The following SRPK2 variants were observed in gnomAD, a reference collection of about 807,000 sequenced individuals.
The protein encoded by SRPK2 is SFRS protein kinase 2.
A neutral mutation model predicts 90.8 loss-of-function variants in SRPK2; 21 were observed. The ratio of observed to expected loss-of-function variants is 0.23; its 90% confidence interval spans 0.16 to 0.33. The LOEUF is 0.33. Ranked by LOEUF, SRPK2 falls within the 10% of genes least tolerant of loss-of-function variation. SRPK2 has a pLI of 1.00. For synonymous variants in SRPK2, 288 were observed against 311.1 expected, an observed-to-expected ratio of 0.93 and a Z score of 0.78; for missense variants, 620 against 869.0, an observed-to-expected ratio of 0.71 and a Z score of 3.60.
At chr7:105,248,034 A>G (rs1237603698) in intron 2 of SRPK2, among the ~76,000 whole-genome samples, 2 of 152,056 alleles carry the variant, frequency 1.3e-5, no homozygotes, top group Non-Finnish European at 2.9e-5. Flanking sequence ...CTGTATTTTT[A>G]GTAGAGAGGG....
At chr7:105,370,912 G>A (rs1029422579) in intron 2 of SRPK2, among the ~76,000 whole-genome samples, 7 of 151,978 alleles carry the variant, frequency 4.6e-5, no homozygotes, top group South Asian at 2.1e-4. Flanking sequence ...TACTGCGCCC[G>A]GCCGGATTAT....
At chr7:105,266,479 G>A (rs1293636857) in intron 2 of SRPK2, among the ~76,000 whole-genome samples, 1 of 152,092 alleles carries the variant, frequency 6.6e-6, no homozygotes, top group South Asian at 2.1e-4. Context: ...ATCAGTTGTG[G>A]TGAATGATAA....
At chr7:105,182,231 CAAAAAAAAAA>C (rs368137906) in intron 3 of SRPK2, among the ~76,000 whole-genome samples, 2 of 65,852 alleles carry the variant, frequency 3.0e-5, no homozygotes, top group South Asian at 5.7e-4. Context: ...GACTCTGTCT[CAAAAAAAAAA>C]AAAAAAAAAA....
At chr7:105,289,814 G>C (rs1485483731) in intron 2 of SRPK2, among the ~76,000 whole-genome samples, 1 of 152,148 alleles carries the variant, frequency 6.6e-6, no homozygotes, top group East Asian at 1.9e-4. Flanking sequence ...CTCAGCCTCT[G>C]ACATGCCTTC....
chr7:105,146,346 C>T, intron 8 of SRPK2, 147 bp downstream of exon 8: 1 of 704,764 alleles, frequency 1.4e-6, no homozygotes, highest in Non-Finnish European at 2.3e-6. Flanking sequence ...GGGCATTTTC[C>T]ATTTCAAGGG....
chr7:105,282,676 C>T (rs1352584615), intron 2 of SRPK2, among the ~76,000 whole-genome samples: 1 of 152,116 alleles, frequency 6.6e-6, no homozygotes, highest in Non-Finnish European at 1.5e-5. Context: ...GTAATCCCAG[C>T]TACTCGGGGG....
At chr7:105,342,545 A>C (rs1815952403) in intron 2 of SRPK2, among the ~76,000 whole-genome samples, 1 of 152,128 alleles carries the variant, frequency 6.6e-6, no homozygotes, top group South Asian at 2.1e-4. Flanking sequence ...CACACCTGAC[A>C]CAAGAAAAGG....
Position 105,305,202 on chromosome 7 carries a change from G to A in SRPK2, c.71+83446C>T, listed in dbSNP as rs138890578. On this transcript the variant is annotated intron_variant, in intron 2 of 15. Coordinates refer to ENST00000393651, the MANE Select transcript of SRPK2 (RefSeq NM_182692.3). ...TGCCTGTAATCCCAGCACTTTGGGA[G>A]ACTGAGGCAGGCAGATCACCTGAAG... 5.1e-3 allele frequency among the ~76,000 whole-genome samples: 776 copies of A among 152,314 alleles called. 12 individuals carry two copies. The East Asian group carries it at 0.055, about 11-fold the overall frequency.
intron 2 of SRPK2, among the ~76,000 whole-genome samples, chr7:105,243,632 A>T (rs1471598740): frequency 2.6e-5 from 3 of 113,878 alleles, no homozygotes; most frequent in African/African-American, 2.1e-4. Context: ...CTCCATCTCA[A>T]AAAAAAAAAA....
chr7:105,375,878 C>T (rs1006941535), intron 2 of SRPK2, among the ~76,000 whole-genome samples: 11 of 150,208 alleles, frequency 7.3e-5, no homozygotes, highest in African/African-American at 2.7e-4. Context: ...TAGCTGGGCA[C>T]AGTAGGGCAA....
At chr7:105,392,174 G>C (rs1025502740), upstream of SRPK2, among the ~76,000 whole-genome samples, 4 of 152,150 alleles carry the variant, frequency 2.6e-5, no homozygotes, top group Non-Finnish European at 5.9e-5. Flanking sequence ...AAGCAGATTG[G>C]TGGTTGCCAG....
At chr7:105,126,048 A>G (rs1299194751) in intron 15 of SRPK2, among the ~76,000 whole-genome samples, 200 bp downstream of exon 15, 1 of 152,158 alleles carries the variant, frequency 6.6e-6, no homozygotes, top group African/African-American at 2.4e-5. Flanking sequence ...AGGGCACAGG[A>G]GAGGGGCTGG....
intron 2 of SRPK2, among the ~76,000 whole-genome samples, chr7:105,379,774 C>T (rs1030107797): frequency 3.9e-5 from 6 of 152,050 alleles, no homozygotes; most frequent in Admixed American, 3.9e-4. Flanking sequence ...GTCAGGAGAT[C>T]GAGACCAGCC....
intron 2 of SRPK2, chr7:105,244,921 A>G (rs1462493514): frequency 1.3e-6 from 2 of 1,485,404 alleles, no homozygotes; most frequent in African/African-American, 1.4e-5. Context: ...CGGGAGGAGC[A>G]AAGCAACGTC....
rs1466308306 is a variant in SRPK2, at chr7:105,167,378, T to G, written c.513A>C (p.Ile171=). The part of the protein sequence containing the change: ...DDFKISGMNG[I]HVCMVFEVLG... ...AATAAATCAGGAAGTAAAGGATACG[T>G]ATCCCATTCATGCCTGAAATCTTGA... The change falls in exon 6 of 16, where the codon ATA becomes ATC. Residue 171 remains isoleucine (I), a splice_region_variant and synonymous_variant. Transcript: ENST00000393651. 1 of 1,610,428 alleles carries G rather than the reference T, an allele frequency of 6.2e-7. No individual in the cohort carries two copies. Among genetic ancestry groups the G allele is most frequent in the Admixed American group, 1.7e-5 (1 of 59,958 alleles).
At chr7:105,321,347 A>C (rs925819229) in intron 2 of SRPK2, among the ~76,000 whole-genome samples, 7 of 152,234 alleles carry the variant, frequency 4.6e-5, no homozygotes, top group Non-Finnish European at 1.0e-4. Flanking sequence ...AACAACCTAC[A>C]TAAGAGCTGA....
intron 2 of SRPK2, among the ~76,000 whole-genome samples, chr7:105,340,939 T>C (rs902219277): frequency 7.2e-5 from 11 of 152,210 alleles, no homozygotes; most frequent in Non-Finnish European, 2.9e-5. Flanking sequence ...TATAATGATA[T>C]GTGTCAACAT....
intron 2 of SRPK2, among the ~76,000 whole-genome samples, chr7:105,383,538 A>G (rs1286901216): frequency 6.6e-6 from 1 of 151,504 alleles, no homozygotes; most frequent in Admixed American, 6.6e-5. Flanking sequence ...CTTCTGCCTC[A>G]GCCTCCCGAG....
intron 2 of SRPK2, among the ~76,000 whole-genome samples, chr7:105,356,389 C>G: frequency 6.6e-6 from 1 of 152,150 alleles, no homozygotes; most frequent in East Asian, 1.9e-4. Flanking sequence ...TATACAAAAA[C>G]TGAGGCCCAT....
Sources: gnomAD v4.1 joint callset for allele counts (sites outside exome capture counted in the v4.1 genomes callset) on GRCh38, gnomAD v4.1.1 for gene constraint, MANE v1.5 for transcripts, NCBI Gene and HGNC (gene_info 2026-07-23, HGNC 2026-07-21) for gene names.